Variants in PTPRM observed in about 807,000 individuals in gnomAD.
The protein encoded by PTPRM is protein tyrosine phosphatase receptor type M.
Under a neutral mutation model 186.7 loss-of-function variants are expected in PTPRM, and 47 were observed. The observed-to-expected ratio is 0.25, with a 90% CI of 0.20 to 0.32. PTPRM has a LOEUF of 0.32. PTPRM is among the 10% of genes least tolerant of loss of function. PTPRM has a pLI of 1.00. For missense variants in PTPRM, 1,494 were observed against 1,865.0 expected, an observed-to-expected ratio of 0.80 and a Z score of 3.66; for synonymous variants, 668 against 674.9, an observed-to-expected ratio of 0.99 and a Z score of 0.16.
intron 10 of PTPRM, among the ~76,000 whole-genome samples, chr18:8,088,125 T>C (rs2090525668): frequency 6.6e-6 from 1 of 152,150 alleles, no homozygotes; most frequent in Non-Finnish European, 1.5e-5. Context: ...GTATAGAAGC[T>C]CTTATGCTAA....
At chr18:7,818,656 G>A (rs775814331) in intron 2 of PTPRM, among the ~76,000 whole-genome samples, 1 of 152,202 alleles carries the variant, frequency 6.6e-6, no homozygotes, top group African/African-American at 2.4e-5. Flanking sequence ...CCCCCAAAAT[G>A]GAAGTAACAA....
intron 2 of PTPRM, among the ~76,000 whole-genome samples, chr18:7,837,362 T>C (rs1366015635): frequency 1.3e-5 from 2 of 152,250 alleles, no homozygotes; most frequent in East Asian, 3.9e-4. Flanking sequence ...TTGATACTTT[T>C]TAATTATTTC....
chr18:8,024,107 A>G (rs570281642), intron 7 of PTPRM, among the ~76,000 whole-genome samples: 3 of 152,200 alleles, frequency 2.0e-5, no homozygotes, highest in African/African-American at 4.8e-5. Context: ...GAAATCTCAC[A>G]TTGGTCTGTG....
intron 7 of PTPRM, among the ~76,000 whole-genome samples, chr18:8,049,047 A>G (rs939965442): frequency 1.3e-5 from 2 of 152,174 alleles, no homozygotes; most frequent in Admixed American, 1.3e-4. Flanking sequence ...CAGTTCTGAA[A>G]AACTCTGTGA....
At chr18:7,688,002 T>G (rs1458187863) in intron 1 of PTPRM, among the ~76,000 whole-genome samples, 2 of 152,112 alleles carry the variant, frequency 1.3e-5, no homozygotes, top group African/African-American at 4.8e-5. Context: ...GGTCTCGATC[T>G]CTTGACTTTG....
At chr18:7,724,153 A>G (rs934546320) in intron 1 of PTPRM, among the ~76,000 whole-genome samples, 7 of 152,066 alleles carry the variant, frequency 4.6e-5, no homozygotes, top group African/African-American at 1.4e-4. Flanking sequence ...CGTGTCTTGC[A>G]TATAGTTGTC....
chr18:8,265,519 TA>T (rs530515449), intron 19 of PTPRM, among the ~76,000 whole-genome samples: 2 of 152,214 alleles, frequency 1.3e-5, no homozygotes, highest in African/African-American at 2.4e-5. Context: ...CAAGGTTTTC[TA>T]AAAAATCTTC....
At chr18:7,765,095 G>T (rs1038452142) in intron 1 of PTPRM, among the ~76,000 whole-genome samples, 1 of 152,104 alleles carries the variant, frequency 6.6e-6, no homozygotes, top group East Asian at 1.9e-4. Context: ...TTTAGGAATA[G>T]AATAATACTA....
At chr18:7,783,359 C>T (rs2042945677) in intron 2 of PTPRM, among the ~76,000 whole-genome samples, 2 of 152,124 alleles carry the variant, frequency 1.3e-5, no homozygotes, top group South Asian at 2.1e-4. Context: ...AGAAACCCAC[C>T]TTGGCAATAT....
chr18:8,336,719 C>T (rs2095441917), intron 22 of PTPRM, among the ~76,000 whole-genome samples: 1 of 150,198 alleles, frequency 6.7e-6, no homozygotes, highest in Non-Finnish European at 1.5e-5. Context: ...TAGGGTCACA[C>T]CTGTAATTTC....
At chr18:8,257,159 A>T (rs1158273342) in intron 19 of PTPRM, among the ~76,000 whole-genome samples, 3 of 152,218 alleles carry the variant, frequency 2.0e-5, no homozygotes, top group Non-Finnish European at 4.4e-5. Flanking sequence ...AAGAGCAAGG[A>T]TGACTTCTCT....
Position 7,568,155 on chromosome 18 carries a change from C to T in PTPRM, c.73+264C>T, listed in dbSNP as rs1400292428. On this transcript the variant is annotated intron_variant, in intron 1 of 32. Coordinates refer to ENST00000580170, the MANE Select transcript of PTPRM (RefSeq NM_001105244.2). The surrounding 1 kb of genome is among the most constrained non-coding windows in gnomAD (Gnocchi z 5.1). ...CGGGACTGCCAGCTCGGCCGCCGTC[C>T]TTCCGCGGCCTGGGCTAGTGCTCAA... Among the ~76,000 whole-genome samples, 5 of 151,918 alleles carry T rather than the reference C, an allele frequency of 3.3e-5. No individual in the cohort carries two copies. The highest frequency in any genetic ancestry group is 2.1e-4 in the South Asian group (1 of 4,834).
chr18:8,365,043 C>T (rs2095619762), intron 23 of PTPRM: 1 of 152,190 alleles, frequency 6.6e-6, no homozygotes, highest in South Asian at 2.1e-4. Context: ...CTCTCCTGCC[C>T]ACCCCTCCAC....
chr18:8,007,565 C>G (rs1399658759), intron 7 of PTPRM, among the ~76,000 whole-genome samples: 4 of 152,192 alleles, frequency 2.6e-5, no homozygotes, highest in Non-Finnish European at 5.9e-5. Flanking sequence ...CAGTGCCCAG[C>G]AAGCCATCAG....
intron 1 of PTPRM, among the ~76,000 whole-genome samples, chr18:7,768,649 T>TATA (rs1491241784): frequency 1.2e-3 from 43 of 35,116 alleles, no homozygotes; most frequent in East Asian, 5.6e-3. Context: ...TATATATATA[T>TATA]TTTTTTTTTT....
chr18:8,290,527 G>A (rs2095031266), intron 19 of PTPRM, among the ~76,000 whole-genome samples: 1 of 152,106 alleles, frequency 6.6e-6, no homozygotes, highest in African/African-American at 2.4e-5. Context: ...GGCGGTATGA[G>A]GGGTGGGGAA....
intron 19 of PTPRM, among the ~76,000 whole-genome samples, chr18:8,280,411 G>C (rs536724248): frequency 2.0e-3 from 17 of 8,618 alleles, no homozygotes; most frequent in Non-Finnish European, 3.4e-3. Flanking sequence ...GGTCGGGGGT[G>C]GGGGGGGGGT....
At chr18:7,769,829 G>T (rs2042189677) in intron 1 of PTPRM, among the ~76,000 whole-genome samples, 1 of 152,094 alleles carries the variant, frequency 6.6e-6, no homozygotes, top group Non-Finnish European at 1.5e-5. Context: ...ATTCAAAGTT[G>T]CTAAGGAAAA....
chr18:8,201,608 C>T (rs137975657), intron 14 of PTPRM, among the ~76,000 whole-genome samples: 3 of 152,306 alleles, frequency 2.0e-5, no homozygotes, highest in East Asian at 3.9e-4. Context: ...TCTAAGATCA[C>T]GGTGCTGACC....
Sources: allele counts gnomAD v4.1 joint callset (sites outside exome capture counted in the v4.1 genomes callset), GRCh38; gene constraint gnomAD v4.1.1; non-coding constraint Gnocchi (gnomAD v3.1); transcripts MANE v1.5; gene names NCBI Gene and HGNC (gene_info 2026-07-23, HGNC 2026-07-21).